The following FCN3 variants were observed in gnomAD, a reference collection of about 807,000 sequenced individuals.
The protein encoded by FCN3 is ficolin 3, also known as ficolin-3.
Under a neutral mutation model 31.5 loss-of-function variants are expected in FCN3, and 28 were observed. The ratio of observed to expected loss-of-function variants is 0.89; its 90% CI spans 0.66 to 1.22. FCN3 has a LOEUF of 1.22. Among genes scored for constraint, FCN3 ranks in the 50% most tolerant of loss-of-function variants. The pLI is 0.00. For synonymous variants in FCN3, 124 were observed against 147.4 expected (o/e 0.84, Z 1.15); for missense variants, 351 against 386.8 (o/e 0.91, Z 0.78).
chr1:27,373,147 C>G lies in FCN3; in HGVS notation c.382G>C (p.Gly128Arg). Residue 128 changes from glycine to arginine, a missense_variant, in exon 5 of 8, where the codon GGC becomes CGC. Gly to Arg is a moderately radical substitution (Grantham distance 125, BLOSUM62 -2). Coordinates refer to ENST00000270879, the MANE Select transcript of FCN3 (RefSeq NM_003665.4). ...PVFCDMDTEG[G>R]GWLVFQRRQD... ...TCTCAGACACTCACCAGCCAGCCGCCCCCCTCGGTGTCCATGTCACAAAAG... is the reference window on the plus strand; with the variant it reads ...TCTCAGACACTCACCAGCCAGCCGCGCCCCTCGGTGTCCATGTCACAAAAG... 6.2e-7 allele frequency: 1 copy of G among 1,613,964 alleles called. No individual in the cohort carries two copies. The highest frequency in any genetic ancestry group is 1.3e-5 in the African/African-American group (1 of 75,038).
At position 27,372,247 on chromosome 1, in the gene FCN3, CT is replaced by C. The variant is rs559771616; in HGVS notation, c.393+888del. 5.9e-3 allele frequency among the ~76,000 whole-genome samples: 804 copies of C among 136,328 alleles called. 1 individual carries two copies. The highest frequency in any genetic ancestry group is 6.1e-3 in the Non-Finnish European group (378 of 62,218). 89.4% of individuals were successfully genotyped at this position (136,328 alleles called of 152,430 possible). On this transcript the variant is annotated intron_variant, in intron 5 of 7. Transcript: ENST00000270879. ...GCTACCCATTGCCCTGCACACTCTT[CT>C]TTTTTTTTTTTTTTTTTAAGACAGA...
rs141300199 is a variant in FCN3 at position 27,373,964 on chromosome 1, C to T, written c.232+1G>A. ...GGAGGCCTCCAGCCCCACTTACTCA[C>T]CTGGCTCACCCTTGGGGCCCATCTT... On this transcript the variant is annotated splice_donor_variant, in intron 3 of 7. Coordinates refer to ENST00000270879, the MANE Select transcript of FCN3 (RefSeq NM_003665.4). LOFTEE classifies it high-confidence loss of function. 3,487 of 1,613,560 alleles carry T rather than the reference C, an allele frequency of 2.2e-3. 3 individuals carry two copies. Among genetic ancestry groups the T allele is most frequent in the Non-Finnish European group, 2.6e-3 (3,125 of 1,179,802 alleles).
rs1571091345 is a variant in FCN3 at position 27,373,628 on chromosome 1, C to T, written c.233-108G>A. Reference sequence around the variant, plus strand: ...CTTTTCCGAATCCTTCCCACTCCTCCCAGCCTTCCATACCCTGTAGGAGGG... The same window carrying T: ...CTTTTCCGAATCCTTCCCACTCCTCTCAGCCTTCCATACCCTGTAGGAGGG... On this transcript the variant is annotated intron_variant, in intron 3 of 7. Transcript: ENST00000270879. The T allele has an allele frequency of 3.4e-6, 4 of 1,177,428 alleles. No homozygotes were observed. In the East Asian group the frequency reaches 7.5e-5, roughly 22 times the overall value. The allele number at this position is 1,177,428 out of a possible 1,614,324, so 72.9% of individuals were successfully genotyped here. A position where few individuals can be genotyped will look rare whatever the true frequency, so the allele number is the denominator to read the frequency against.
At position 27,373,974 on chromosome 1, in the gene FCN3, C is replaced by T. The variant is rs750122426; in HGVS notation, c.223G>A (p.Gly75Ser). ...AGCCCCACTTACTCACCTGGCTCAC[C>T]CTTGGGGCCCATCTTGCCTGGTGGT... The part of the protein sequence containing the change: ...PGPPGKMGPK[G>S]EPGDPVNLLR... Residue 75 changes from glycine to serine, a missense_variant, in exon 3 of 8, where the codon GGT becomes AGT. Coordinates refer to ENST00000270879, the MANE Select transcript of FCN3 (RefSeq NM_003665.4). 1 of 1,613,732 alleles carries T rather than the reference C, an allele frequency of 6.2e-7. No individual in the cohort carries two copies. Among genetic ancestry groups the T allele is most frequent in the Non-Finnish European group, 8.5e-7 (1 of 1,179,936 alleles).
At chr1:27,370,788 G>C in intron 6 of FCN3, 55 bp downstream of exon 6, 1 of 1,611,256 alleles carries the variant, frequency 6.2e-7, no homozygotes, top group Non-Finnish European at 8.5e-7. Flanking sequence ...GTGGGGCAGG[G>C]ATTCAGGATG....
chr1:27,373,288 G>A (rs2016186082), intron 4 of FCN3, 25 bp from the exon 5 acceptor site: 11 of 1,613,758 alleles, frequency 6.8e-6, no homozygotes, highest in Admixed American at 1.7e-5. Flanking sequence ...ATGGACTGGG[G>A]TGGTGCCCAG....
chr1:27,372,379 C>T (rs954623310), intron 5 of FCN3, among the ~76,000 whole-genome samples: 32 of 151,874 alleles, frequency 2.1e-4, no homozygotes, highest in African/African-American at 6.5e-4. Flanking sequence ...TCCTGAATAA[C>T]TTGGATTACA....
At chr1:27,373,880 G>T in intron 3 of FCN3, 85 bp downstream of exon 3, 2 of 1,197,460 alleles carry the variant, frequency 1.7e-6, no homozygotes, top group Non-Finnish European at 2.4e-6. Flanking sequence ...GCCATCATAG[G>T]CACAGCAGCC....
chr1:27,374,417 G>A lies in FCN3; in HGVS notation c.126C>T (p.Leu42=), dbSNP rs776618595. The part of the protein sequence containing the change: ...PRELEASKVV[L]LPSCPGAPGS... The stretch of plus-strand genomic sequence containing the variant: ...CTGGAGCTCCGGGACAACTGGGCAG[G>A]AGGACAACTTTGCTGGCTTCCAGTT... The change falls in exon 2 of 8, where the codon CTC becomes CTT. Residue 42 remains leucine, a synonymous_variant. Transcript: ENST00000270879. 3 of 1,613,918 alleles carry A rather than the reference G, an allele frequency of 1.9e-6. No homozygotes were observed. Among genetic ancestry groups the A allele is most frequent in the Non-Finnish European group, 2.5e-6 (3 of 1,179,938 alleles).
At chr1:27,371,281 T>C (rs2016141073) in intron 5 of FCN3, among the ~76,000 whole-genome samples, 1 of 141,996 alleles carries the variant, frequency 7.0e-6, no homozygotes, top group African/African-American at 2.6e-5. Flanking sequence ...CAATTTCATT[T>C]ACTATAAGAA....
chr1:27,373,072 T>A, intron 5 of FCN3, 64 bp downstream of exon 5: 1 of 1,576,290 alleles, frequency 6.3e-7, no homozygotes, highest in Middle Eastern at 1.7e-4. Context: ...CTGGCTCCCC[T>A]AGGGGCCAAG....
rs1553143985 is a variant in FCN3 at position 27,369,156 on chromosome 1, A to AGAGGTGGTTGGCAAAGGC, written c.*62_*79dup. The AGAGGTGGTTGGCAAAGGC allele has an allele frequency of 6.5e-7, 1 of 1,534,804 alleles. No individual in the cohort carries two copies. Among genetic ancestry groups the AGAGGTGGTTGGCAAAGGC allele is most frequent in the African/African-American group, 1.4e-5 (1 of 73,270 alleles). On this transcript the variant is annotated 3_prime_UTR_variant, in exon 8 of 8. Coordinates refer to ENST00000270879, the MANE Select transcript of FCN3 (RefSeq NM_003665.4). ...TATTTTTAAATGTGGACAGGCAAGC[A>AGAGGTGGTTGGCAAAGGC]GAGGTGGTTGGCAAAGGCAAGGTGG...
chr1:27,372,054 T>A (rs943290049), intron 5 of FCN3, among the ~76,000 whole-genome samples: 1 of 151,864 alleles, frequency 6.6e-6, no homozygotes, highest in Non-Finnish European at 1.5e-5. Flanking sequence ...AGCTACTGTG[T>A]CAGGCCTGCT....
chr1:27,371,028 G>A (rs2016137081), intron 5 of FCN3, 56 bp from the exon 6 acceptor site: 1 of 1,589,358 alleles, frequency 6.3e-7, no homozygotes, highest in South Asian at 1.1e-5. Context: ...GGCAGCTGAG[G>A]GTGCAGGAAC....
At position 27,373,275 on chromosome 1, in the gene FCN3, G is replaced by C; in HGVS notation, c.266-12C>G. 1 of 1,614,042 alleles carries C rather than the reference G, an allele frequency of 6.2e-7. No homozygotes were observed. The highest frequency in any genetic ancestry group is 8.5e-7 in the Non-Finnish European group (1 of 1,179,980). On this transcript the variant is annotated splice_polypyrimidine_tract_variant and intron_variant, in intron 4 of 7. Transcript: ENST00000270879. Reference sequence around the variant, plus strand: ...GCAGTTTCTGGGGCCTGGGAAAGGGGAGATGGACTGGGGTGGTGCCCAGGT... The same window carrying C: ...GCAGTTTCTGGGGCCTGGGAAAGGGCAGATGGACTGGGGTGGTGCCCAGGT...
At chr1:27,374,248 G>A (rs1334391704) in intron 2 of FCN3, 108 bp downstream of exon 2, 14 of 820,096 alleles carry the variant, frequency 1.7e-5, no homozygotes, top group Non-Finnish European at 2.4e-5. Context: ...AGCTGGCACA[G>A]AGTAGGTTCC....
chr1:27,373,110 T>C (rs2016180136), intron 5 of FCN3, 26 bp downstream of exon 5: 2 of 1,611,686 alleles, frequency 1.2e-6, no homozygotes, highest in Non-Finnish European at 1.7e-6. Context: ...GGGCCTGGCC[T>C]GTTAGCCCAT....
chr1:27,373,433 C>T, intron 4 of FCN3, 55 bp downstream of exon 4: 1 of 1,604,526 alleles, frequency 6.2e-7, no homozygotes, highest in Non-Finnish European at 8.5e-7. Flanking sequence ...GGGGGTCTGC[C>T]AACACCCAAC....
chr1:27,371,411 A>G (rs1021840553), intron 5 of FCN3, among the ~76,000 whole-genome samples: 1 of 152,120 alleles, frequency 6.6e-6, no homozygotes. Flanking sequence ...TCCCGTCTCT[A>G]CTAAAAATAC....
Sources: gnomAD v4.1 joint callset for allele counts (sites outside exome capture counted in the v4.1 genomes callset) on GRCh38, gnomAD v4.1.1 for gene constraint, MANE v1.5 for transcripts, NCBI Gene and HGNC (gene_info 2026-07-23, HGNC 2026-07-21) for gene names.